USP42: variants seen among roughly 807,000 people sequenced by gnomAD.
USP42 encodes ubiquitin carboxyl-terminal hydrolase 42.
Under a neutral mutation model 113.0 loss-of-function variants are expected in USP42, and 23 were observed. The observed-to-expected ratio is 0.20, with a 90% CI of 0.15 to 0.29. The LOEUF (loss-of-function observed/expected upper bound fraction) is 0.29, where lower values mean the gene tolerates loss of function less well. Ranked by LOEUF, USP42 falls within the 10% of genes least tolerant of loss-of-function variation. The pLI is 1.00. For missense variants in USP42, 2,174 were observed against 1,779.8 expected, an observed-to-expected ratio of 1.22 and a Z score of -3.99; for synonymous variants, 933 against 699.0, an observed-to-expected ratio of 1.33 and a Z score of -5.28.
chr7:6,093,668 T>C, the USP42 span, among the ~76,000 whole-genome samples: 4 of 149,404 alleles, frequency 2.7e-5, no homozygotes, highest in Non-Finnish European at 5.9e-5. Context: ...CTTTCTCTCT[T>C]TTTTTCTCTT....
intron 7 of USP42, among the ~76,000 whole-genome samples, chr7:6,141,667 C>T (rs1362219338): frequency 6.6e-6 from 1 of 151,712 alleles, no homozygotes; most frequent in African/African-American, 2.4e-5. Flanking sequence ...CAAGCATTTC[C>T]CCTGTCTCAG....
rs374160888 is a variant in USP42 at position 6,115,285 on chromosome 7, A to G, written c.242-38A>G. The G allele has an allele frequency of 6.9e-4, 1,104 of 1,602,680 alleles. 6 individuals carry two copies. Among genetic ancestry groups the G allele is most frequent in the Middle Eastern group, 5.9e-3 (34 of 5,728 alleles). ...ACTATTTATTTAGCTTCAGTATGCA[A>G]AGCTTGGTTTCTGACTCTTTCTTGT... On this transcript the variant is annotated intron_variant, in intron 2 of 17. Transcript: ENST00000306177.
chr7:6,125,498 AAC>A (rs1488920890), intron 3 of USP42, among the ~76,000 whole-genome samples: 1 of 152,192 alleles, frequency 6.6e-6, no homozygotes, highest in South Asian at 2.1e-4. Flanking sequence ...CACAAAACAA[AAC>A]ACAACAATAT....
At chr7:6,125,546 T>G (rs1333499707) in intron 3 of USP42, among the ~76,000 whole-genome samples, 1 of 152,212 alleles carries the variant, frequency 6.6e-6, no homozygotes, top group Non-Finnish European at 1.5e-5. Context: ...ATTTTGGTAA[T>G]ATACTCCATC....
At position 6,154,623 on chromosome 7, in the gene USP42, A is replaced by T; in HGVS notation, c.3069A>T (p.Arg1023=). The change falls in exon 15 of 18, where the codon CGA becomes CGT. Residue 1023 remains arginine (R), a synonymous_variant. Transcript: ENST00000306177. ...SLGRCSHHHS[R]HRSGVELDWV... is the part of the protein sequence containing the mutation. ...GCAGGTGCAGTCACCACCACTCCCG[A>T]CACCGGAGCGGGGTGGAGCTGGACT... 6.3e-7 allele frequency: 1 copy of T among 1,599,626 alleles called. No individual in the cohort carries two copies. Among genetic ancestry groups the T allele is most frequent in the Non-Finnish European group, 8.5e-7 (1 of 1,174,552 alleles).
the USP42 span, among the ~76,000 whole-genome samples, chr7:6,090,272 C>T: frequency 7.2e-6 from 1 of 139,854 alleles, no homozygotes; most frequent in African/African-American, 2.8e-5. Flanking sequence ...TGCACACCAG[C>T]CTGGGCAACA....
In USP42 at chr7:6,150,080, T is replaced by A. The variant is rs113589932; in HGVS notation, c.1884T>A (p.Ile628=). The part of the protein sequence containing the change: ...ESKGLGKENG[I]GTIVSSHSPG... ...AGGGGCTGGGCAAGGAGAATGGGAT[T>A]GGTACGATTGTGAGCTCCCACTCTC... The change falls in exon 13 of 18, where the codon ATT becomes ATA. Residue 628 remains isoleucine (I), a synonymous_variant. Coordinates refer to ENST00000306177, the MANE Select transcript of USP42 (RefSeq NM_032172.3). The A allele has an allele frequency of 3.7e-3, 5,921 of 1,609,732 alleles. 19 individuals are homozygous for A. Among genetic ancestry groups the A allele is most frequent in the Non-Finnish European group, 4.3e-3 (5,108 of 1,177,922 alleles).
intron 1 of USP42, among the ~76,000 whole-genome samples, chr7:6,105,880 C>G (rs1213238270): frequency 1.3e-5 from 2 of 152,184 alleles, no homozygotes; most frequent in Non-Finnish European, 2.9e-5. Flanking sequence ...CTTAGGAGGC[C>G]GTGGGGTCAC....
At chr7:6,082,609 T>TTTTTTTTTG in the USP42 span, among the ~76,000 whole-genome samples, 7 of 81,532 alleles carry the variant, frequency 8.6e-5, no homozygotes, top group African/African-American at 2.7e-4. Context: ...TTCTGTTTTT[T>TTTTTTTTTG]TTTTTTTTTT....
chr7:6,089,455 C>G, the USP42 span, among the ~76,000 whole-genome samples: 3 of 150,638 alleles, frequency 2.0e-5, no homozygotes, highest in Non-Finnish European at 2.9e-5. Context: ...ATTTTAAAAA[C>G]GTAATACATA....
In USP42 at chr7:6,147,776, C is replaced by T. The variant is rs781413312; in HGVS notation, c.1270C>T (p.Pro424Ser). ...GAAAAATGGAGGTGAACTTACTCAT[C>T]CCACCCATAGCCCCGGCCAGTCCTC... Reference protein sequence around the residue: ...DVKNGGELTHPTHSPGQSSPR... With the variant: ...DVKNGGELTHSTHSPGQSSPR... Residue 424 changes from proline to serine, a missense_variant, in exon 12 of 18, where the codon CCC (proline) becomes TCC (serine). Transcript: ENST00000306177. The T allele has an allele frequency of 1.9e-6, 3 of 1,600,336 alleles. No individual in the cohort carries two copies. The highest frequency in any genetic ancestry group is 3.4e-5 in the Admixed American group (2 of 58,770).
At chr7:6,114,236 G>C (rs1779754037) in intron 2 of USP42, among the ~76,000 whole-genome samples, 1 of 152,162 alleles carries the variant, frequency 6.6e-6, no homozygotes, top group Non-Finnish European at 1.5e-5. Flanking sequence ...CTCCCTACAT[G>C]AGATGGTAAG....
Position 6,150,158 on chromosome 7 carries a change from C to G in USP42, c.1962C>G (p.Pro654=). ...EEATPHELQE[P]MTLNGANSAD... is the part of the protein sequence containing the mutation. ...CCACTCCGCACGAGCTTCAAGAACCCATGACCCTAAACGGTGCTAATAGTG... is the reference window on the plus strand; with the variant it reads ...CCACTCCGCACGAGCTTCAAGAACCGATGACCCTAAACGGTGCTAATAGTG... The change falls in exon 13 of 18, where the codon CCC becomes CCG. Residue 654 remains proline (P), a synonymous_variant. Transcript: ENST00000306177. The G allele has an allele frequency of 1.2e-6, 2 of 1,613,876 alleles. No individual in the cohort carries two copies. The highest frequency in any genetic ancestry group is 1.7e-6 in the Non-Finnish European group (2 of 1,179,832).
At position 6,153,956 on chromosome 7, in the gene USP42, C is replaced by G. The variant is rs751926721; in HGVS notation, c.2402C>G (p.Pro801Arg). The G allele has an allele frequency of 6.3e-7, 1 of 1,596,566 alleles. No homozygotes were observed. Among genetic ancestry groups the G allele is most frequent in the South Asian group, 1.1e-5 (1 of 90,618 alleles). Residue 801 changes from proline to arginine, a missense_variant, in exon 15 of 18, where the codon CCT (proline) becomes CGT (arginine). Physicochemically the swap from Pro to Arg is moderately radical, Grantham distance 103. Transcript: ENST00000306177. ...WEAMAVAPEE[P>R]PPSAGEDIVG... ...GCCATGGCCGTCGCCCCCGAGGAGC[C>G]TCCGCCCAGCGCCGGCGAGGACATC...
chr7:6,140,714 A>G (rs769373909), intron 6 of USP42, among the ~76,000 whole-genome samples, 200 bp from the exon 7 acceptor site: 1 of 152,222 alleles, frequency 6.6e-6, no homozygotes, highest in Non-Finnish European at 1.5e-5. Flanking sequence ...ATTCTAATCA[A>G]TAGTATATGA....
At position 6,147,712 on chromosome 7, in the gene USP42, C is replaced by G; in HGVS notation, c.1233-27C>G. ...CTCCTAAGGAGGTGTCCTGTGTCAC[C>G]CTAAGTATCGCTCTCCTTGTTTCCA... On this transcript the variant is annotated intron_variant, in intron 11 of 17. Transcript: ENST00000306177. 10 of 1,552,826 alleles carry G rather than the reference C, an allele frequency of 6.4e-6. No homozygotes were observed. The South Asian group carries it at 1.1e-4, about 17-fold the overall frequency.
At chr7:6,107,326 C>T (rs901412761) in intron 1 of USP42, among the ~76,000 whole-genome samples, 1 of 151,434 alleles carries the variant, frequency 6.6e-6, no homozygotes, top group African/African-American at 2.4e-5. Context: ...GTTTTTGTTG[C>T]TGTTTAGTGT....
chr7:6,134,618 G>A (rs1485850706), intron 3 of USP42, among the ~76,000 whole-genome samples: 2 of 152,114 alleles, frequency 1.3e-5, no homozygotes, highest in African/African-American at 2.4e-5. Context: ...CGAGGCTGTT[G>A]AGCGGCATCC....
At chr7:6,146,336 T>TA (rs1562842429) in intron 11 of USP42, 88 bp downstream of exon 11, 4,341 of 779,054 alleles carry the variant, frequency 5.6e-3, no homozygotes, top group Non-Finnish European at 6.2e-3. Context: ...ATTCAGTGTT[T>TA]TAAAAAAAAA....
Sources: allele counts gnomAD v4.1 joint callset (sites outside exome capture counted in the v4.1 genomes callset), GRCh38; gene constraint gnomAD v4.1.1; transcripts MANE v1.5; gene names NCBI Gene and HGNC (gene_info 2026-07-23, HGNC 2026-07-21).